VMA12: variants seen among roughly 807,000 people sequenced by gnomAD.
The protein encoded by VMA12 is vacuolar ATPase assembly factor VMA12.
the VMA12 span, chr17:28,362,845 T>C: frequency 6.6e-6 from 1 of 152,100 alleles, no homozygotes; most frequent in African/African-American, 2.4e-5. Flanking sequence ...GAGAACCAAA[T>C]GCCCTATCCT....
the VMA12 span, chr17:28,359,628 G>A: frequency 2.0e-4 from 53 of 263,088 alleles, no homozygotes; most frequent in African/African-American, 3.3e-4. Context: ...GGAGTTAGCC[G>A]GGCACGGCGC....
the VMA12 span, chr17:28,358,488 A>G: frequency 6.3e-6 from 3 of 473,032 alleles, no homozygotes; most frequent in African/African-American, 2.0e-5. Context: ...CAGAAGTAAC[A>G]TAGACCAGCC....
At chr17:28,360,088 C>G in the VMA12 span, 1 of 161,934 alleles carries the variant, frequency 6.2e-6, no homozygotes, top group Admixed American at 5.8e-5. Context: ...ATGCCTCAGC[C>G]TCCCAAGTAG....
At chr17:28,362,570 G>A in the VMA12 span, 1 of 152,198 alleles carries the variant, frequency 6.6e-6, no homozygotes, top group African/African-American at 2.4e-5. Flanking sequence ...AGACCAAGGT[G>A]GGAGGATGCT....
At chr17:28,361,341 T>G in the VMA12 span, 1 of 1,295,710 alleles carries the variant, frequency 7.7e-7, no homozygotes, top group Non-Finnish European at 1.1e-6. Flanking sequence ...ATCAGACTTT[T>G]TGTATTCAGC....
the VMA12 span, chr17:28,358,578 T>C: frequency 2.1e-6 from 1 of 485,448 alleles, no homozygotes; most frequent in South Asian, 1.6e-5. Context: ...TAGTGTCCTC[T>C]GAGCATTTAG....
the VMA12 span, chr17:28,359,519 G>A: frequency 2.2e-6 from 2 of 908,356 alleles, no homozygotes; most frequent in Non-Finnish European, 3.4e-6. Flanking sequence ...ATACTGTTCA[G>A]GGACCATAGG....
the VMA12 span, chr17:28,359,566 C>T: frequency 1.6e-3 from 962 of 583,278 alleles, 2 homozygotes; most frequent in Non-Finnish European, 2.4e-3. Context: ...CCATCTCATT[C>T]ACTGAGACTC....
the VMA12 span, chr17:28,358,577 C>T: frequency 1.6e-5 from 8 of 485,494 alleles, no homozygotes; most frequent in African/African-American, 1.6e-4. Context: ...TTAGTGTCCT[C>T]TGAGCATTTA....
chr17:28,361,227 T>C, the VMA12 span: 2 of 1,614,082 alleles, frequency 1.2e-6, no homozygotes, highest in Non-Finnish European at 1.7e-6. Context: ...GTGCGGGCAA[T>C]GGAAGGCGAG....
chr17:28,357,744 G>A, the VMA12 span: 22 of 1,613,234 alleles, frequency 1.4e-5, no homozygotes, highest in Admixed American at 3.3e-4. Flanking sequence ...GAGCCAGAGC[G>A]GCTACCCCGA....
chr17:28,357,748 A>AC, the VMA12 span: 2 of 1,613,240 alleles, frequency 1.2e-6, no homozygotes, highest in Non-Finnish European at 1.7e-6. Flanking sequence ...CAGAGCGGCT[A>AC]CCCCGAAAGC....
chr17:28,362,817 C>T, the VMA12 span: 1 of 152,106 alleles, frequency 6.6e-6, no homozygotes, highest in Non-Finnish European at 1.5e-5. Flanking sequence ...AATGAAAAAG[C>T]AGGGGGCACT....
the VMA12 span, chr17:28,358,176 G>A: frequency 6.3e-5 from 29 of 463,514 alleles, no homozygotes; most frequent in South Asian, 6.0e-4. Flanking sequence ...AATATCACAG[G>A]TTTTGTCTCT....
the VMA12 span, chr17:28,362,174 TC>T: frequency 6.6e-6 from 1 of 151,840 alleles, no homozygotes; most frequent in East Asian, 1.9e-4. Flanking sequence ...CTGTATGTAC[TC>T]CTGTTGTCTT....
the VMA12 span, chr17:28,358,306 TAA>T: frequency 4.7e-6 from 2 of 425,502 alleles, no homozygotes; most frequent in Admixed American, 3.0e-5. Context: ...TTTGTTTTTT[TAA>T]TATAGGATGG....
the VMA12 span, among the ~76,000 whole-genome samples, chr17:28,359,935 A>G: frequency 1.3e-5 from 2 of 151,972 alleles, no homozygotes; most frequent in South Asian, 4.1e-4. Context: ...AAATAAATAA[A>G]TAAGTGGGAA....
the VMA12 span, chr17:28,358,566 A>G: frequency 2.1e-6 from 1 of 485,166 alleles, no homozygotes; most frequent in Non-Finnish European, 4.2e-6. Context: ...ATTGCCTAGT[A>G]TTAGTGTCCT....
chr17:28,361,165 A>T, the VMA12 span: 1 of 1,614,052 alleles, frequency 6.2e-7, no homozygotes, highest in Non-Finnish European at 8.5e-7. Context: ...AGCGGGTGCT[A>T]GCTGCATTGA....
Sources: allele counts gnomAD v4.1 joint callset (sites outside exome capture counted in the v4.1 genomes callset), GRCh38; gene constraint gnomAD v4.1.1; transcripts MANE v1.5; gene names NCBI Gene and HGNC (gene_info 2026-07-23, HGNC 2026-07-21).